PAH: variants seen among roughly 807,000 people sequenced by gnomAD.
PAH encodes the protein phenylalanine hydroxylase.
In PAH, 64 loss-of-function variants were observed where a neutral mutation model predicts 62.0. The observed-to-expected ratio is 1.03, with a 90% CI of 0.84 to 1.27. The LOEUF is 1.27. Ranked by LOEUF, PAH falls within the 50% of genes most tolerant of loss-of-function variation. PAH has a pLI of 0.00. For missense variants in PAH, 579 were observed against 542.8 expected (o/e 1.07, Z -0.66); for synonymous variants, 195 against 196.2 (o/e 0.99, Z 0.05).
chr12:102,879,607 G>GC (rs909878837), intron 3 of PAH, among the ~76,000 whole-genome samples: 12 of 84,822 alleles, frequency 1.4e-4, no homozygotes, highest in Non-Finnish European at 2.8e-4. Context: ...TTTACCTGTG[G>GC]GGGGGGGGTA....
intron 4 of PAH, among the ~76,000 whole-genome samples, chr12:102,876,305 T>C (rs1876561611): frequency 1.3e-5 from 2 of 152,186 alleles, no homozygotes; most frequent in Admixed American, 1.3e-4. Flanking sequence ...TAGCTTGCCT[T>C]TGGCCTCTGT....
At chr12:102,861,752 G>A (rs1425297977) in intron 5 of PAH, among the ~76,000 whole-genome samples, 1 of 152,004 alleles carries the variant, frequency 6.6e-6, no homozygotes, top group African/African-American at 2.4e-5. Flanking sequence ...AACACTGCAT[G>A]TTCTCACTCA....
intron 1 of PAH, among the ~76,000 whole-genome samples, chr12:102,930,495 G>C (rs1407601699): frequency 6.6e-6 from 1 of 152,076 alleles, no homozygotes; most frequent in Non-Finnish European, 1.5e-5. Flanking sequence ...AGACACCTTT[G>C]AGATCCAGAT....
In PAH at chr12:102,905,986, A is replaced by G. The variant is rs117354907; in HGVS notation, c.168+6805T>C. 5.5e-3 allele frequency among the ~76,000 whole-genome samples: 837 copies of G among 152,330 alleles called. 4 individuals are homozygous for G. Among genetic ancestry groups the G allele is most frequent in the Non-Finnish European group, 9.8e-3 (670 of 68,030 alleles). On this transcript the variant is annotated intron_variant, in intron 2 of 12. Transcript: ENST00000553106. ...CTGGGAGAAAATCTTTGTAACACAC[A>G]TAACAGTATTCAGAGTATATAAAAT...
intron 10 of PAH, 30 bp downstream of exon 10, chr12:102,844,306 A>G (rs1444865763): frequency 1.0e-5 from 15 of 1,463,590 alleles, no homozygotes; most frequent in Non-Finnish European, 1.4e-5. Context: ...CCACTTTTAA[A>G]TCTATCCTTG....
intron 11 of PAH, among the ~76,000 whole-genome samples, chr12:102,841,621 C>T (rs1354255979): frequency 1.3e-5 from 2 of 152,178 alleles, no homozygotes; most frequent in East Asian, 3.9e-4. Flanking sequence ...TGCTATCTTT[C>T]ATGAAGAACA....
At position 102,906,493 on chromosome 12, in the gene PAH, A is replaced by G. The variant is rs531551464; in HGVS notation, c.168+6298T>C. The stretch of plus-strand genomic sequence containing the variant: ...AGGGATGATAAATAAAATATGATAC[A>G]CAGATATTAAGAACTATACTTCAGA... On this transcript the variant is annotated intron_variant, in intron 2 of 12. Transcript: ENST00000553106. Among the ~76,000 whole-genome samples the G allele has an allele frequency of 3.3e-5, 5 of 152,286 alleles. No homozygotes were observed. In the East Asian group the frequency reaches 9.6e-4, roughly 29 times the overall value.
intron 1 of PAH, chr12:102,914,597 G>A (rs2033344601): frequency 6.6e-6 from 1 of 152,170 alleles, no homozygotes; most frequent in Non-Finnish European, 1.5e-5. Context: ...ATGAGTCTCT[G>A]ACTTAAGTCT....
At chr12:102,925,549 C>T (rs150975004) in intron 1 of PAH, among the ~76,000 whole-genome samples, 1 of 152,242 alleles carries the variant, frequency 6.6e-6, no homozygotes, top group East Asian at 1.9e-4. Context: ...TTTACTTGTC[C>T]TAAAACTGTT....
At position 102,942,220 on chromosome 12, in the gene PAH, G is replaced by GT. The variant is rs1427164251; in HGVS notation, c.-96+8368dup. 1.2e-3 allele frequency among the ~76,000 whole-genome samples: 177 copies of GT among 152,192 alleles called. 1 individual carries two copies. Among genetic ancestry groups the GT allele is most frequent in the Non-Finnish European group, 5.9e-5 (4 of 67,950 alleles). On this transcript the variant is annotated intron_variant, in intron 1 of 3. Transcript: ENST00000546844. The stretch of plus-strand genomic sequence containing the variant: ...AGATCTGATAAACAACTTCATAAAA[G>GT]TTTCAGAATAAAAAAATCAATGTAT...
At chr12:102,902,618 A>G (rs1877808108) in intron 2 of PAH, among the ~76,000 whole-genome samples, 1 of 152,196 alleles carries the variant, frequency 6.6e-6, no homozygotes, top group African/African-American at 2.4e-5. Context: ...TTGACCAACA[A>G]TATGGAAATT....
At chr12:102,890,944 G>A (rs546087348) in intron 3 of PAH, among the ~76,000 whole-genome samples, 3 of 152,062 alleles carry the variant, frequency 2.0e-5, no homozygotes, top group African/African-American at 7.2e-5. Context: ...TTAGCCGGGC[G>A]TGGTGTCATG....
chr12:102,861,233 C>T (rs1383823299), intron 5 of PAH, among the ~76,000 whole-genome samples: 1 of 152,164 alleles, frequency 6.6e-6, no homozygotes, highest in Non-Finnish European at 1.5e-5. Context: ...TGAAAAAATG[C>T]TCATCATCAC....
rs199475662 is a variant in PAH at position 102,917,072 on chromosome 12, T to A, written c.59A>T (p.Gln20Leu). The A allele has an allele frequency of 6.2e-7, 1 of 1,614,078 alleles. No individual in the cohort carries two copies. Among genetic ancestry groups the A allele is most frequent in the Non-Finnish European group, 8.5e-7 (1 of 1,180,018 alleles). Residue 20 changes from glutamine to leucine, a missense_variant and splice_region_variant, in exon 1 of 13, where the codon CAG becomes CTG. Physicochemically the swap from Gln to Leu is moderately radical, Grantham distance 113. Transcript: ENST00000553106. ...GLGRKLSDFG[Q>L]ETSYIEDNCN... ...GCAGCTCAGGCTGCCGTGGCTCACC[T>A]GTCCAAAGTCAGAGAGTTTCCTGCC...
chr12:102,894,846 T>G lies in PAH; in HGVS notation c.241A>C (p.Thr81Pro), dbSNP rs62509017. Reference sequence around the variant, plus strand: ...GGCAGGCTACGTTTATCCAAATGGGTGAAAAATTCATACTCATCTTTCTTT... The same window carrying G: ...GGCAGGCTACGTTTATCCAAATGGGGGAAAAATTCATACTCATCTTTCTTT... ...RLKKDEYEFF[T>P]HLDKRSLPAL... Residue 81 changes from threonine to proline, a missense_variant, in exon 3 of 13, where the codon ACC (threonine) becomes CCC (proline). By Grantham distance (38) the Thr-to-Pro change is conservative. Coordinates refer to ENST00000553106, the MANE Select transcript of PAH (RefSeq NM_000277.3). 5.6e-6 allele frequency: 9 copies of G among 1,613,656 alleles called. No homozygotes were observed. Among genetic ancestry groups the G allele is most frequent in the Non-Finnish European group, 7.6e-6 (9 of 1,179,766 alleles).
intron 3 of PAH, among the ~76,000 whole-genome samples, chr12:102,881,237 C>T (rs1030463379): frequency 6.6e-6 from 1 of 151,398 alleles, no homozygotes; most frequent in East Asian, 1.9e-4. Context: ...TGGTCTCGAA[C>T]TCCTGACCTC....
intron 5 of PAH, among the ~76,000 whole-genome samples, chr12:102,857,548 A>G (rs1484446856): frequency 7.9e-5 from 12 of 152,172 alleles, no homozygotes; most frequent in Non-Finnish European, 1.3e-4. Context: ...GAAATGAAGG[A>G]AAAAAATGTT....
At chr12:102,901,443 T>C (rs553410748) in intron 2 of PAH, among the ~76,000 whole-genome samples, 3 of 152,338 alleles carry the variant, frequency 2.0e-5, no homozygotes, top group Admixed American at 6.5e-5. Flanking sequence ...AATTTTTGTC[T>C]TCATTAATAT....
At chr12:102,908,524 C>A (rs1268158389) in intron 2 of PAH, among the ~76,000 whole-genome samples, 1 of 152,172 alleles carries the variant, frequency 6.6e-6, no homozygotes, top group Non-Finnish European at 1.5e-5. Flanking sequence ...CTCGCTTGCT[C>A]TCACTCAGAC....
Sources: gnomAD v4.1 joint callset for allele counts (sites outside exome capture counted in the v4.1 genomes callset) on GRCh38, gnomAD v4.1.1 for gene constraint, MANE v1.5 for transcripts, NCBI Gene and HGNC (gene_info 2026-07-23, HGNC 2026-07-21) for gene names.